RABGAP1L: variants seen among roughly 807,000 people sequenced by gnomAD.
The protein encoded by RABGAP1L is rab GTPase-activating protein 1-like.
A neutral mutation model predicts 137.7 loss-of-function variants in RABGAP1L; 63 were observed. The observed-to-expected ratio is 0.46, with a 90% CI of 0.37 to 0.56. The LOEUF (loss-of-function observed/expected upper bound fraction) is 0.56, where lower values mean the gene tolerates loss of function less well. RABGAP1L is among the 20% of genes least tolerant of loss of function. The pLI is 0.00. For missense variants in RABGAP1L, 1,095 were observed against 1,244.0 expected, an observed-to-expected ratio of 0.88 and a Z score of 1.80; for synonymous variants, 431 against 433.7, an observed-to-expected ratio of 0.99 and a Z score of 0.08.
intron 19 of RABGAP1L, among the ~76,000 whole-genome samples, chr1:174,887,311 A>G (rs1282627610): frequency 1.3e-5 from 2 of 152,224 alleles, no homozygotes; most frequent in African/African-American, 2.4e-5. Context: ...TAAAATATAT[A>G]AGCACTGTGT....
intron 11 of RABGAP1L, among the ~76,000 whole-genome samples, chr1:174,359,875 G>T (rs1683981677): frequency 6.6e-6 from 1 of 152,150 alleles, no homozygotes; most frequent in East Asian, 1.9e-4. Flanking sequence ...CTTTAAAATT[G>T]AGAACAGTGA....
chr1:174,617,377 C>T (rs976131765), intron 13 of RABGAP1L, among the ~76,000 whole-genome samples: 1 of 152,146 alleles, frequency 6.6e-6, no homozygotes, highest in South Asian at 2.1e-4. Context: ...GTAATATTAA[C>T]CAGGCTTTGT....
Position 174,284,374 on chromosome 1 carries a change from G to A in RABGAP1L, c.1323+5595G>A, listed in dbSNP as rs563325647. 3.3e-5 allele frequency among the ~76,000 whole-genome samples: 5 copies of A among 152,124 alleles called. No homozygotes were observed. In the East Asian group the frequency reaches 5.8e-4, roughly 18 times the overall value. On this transcript the variant is annotated intron_variant, in intron 10 of 25. Transcript: ENST00000681986. ...TTTCTAGTCTAGCTTTTTTTACTTA[G>A]CATAATGCTCTCCACCTTTACCCAT...
intron 18 of RABGAP1L, among the ~76,000 whole-genome samples, chr1:174,793,190 C>G (rs537063051): frequency 1.9e-4 from 29 of 151,994 alleles, no homozygotes; most frequent in East Asian, 1.2e-3. Flanking sequence ...CAAAATGACT[C>G]TCTACAGACC....
chr1:174,912,783 G>C (rs1660258745), intron 19 of RABGAP1L, among the ~76,000 whole-genome samples: 1 of 152,122 alleles, frequency 6.6e-6, no homozygotes, highest in Admixed American at 6.5e-5. Context: ...CATTTTAATA[G>C]TATCAGCTTC....
chr1:174,737,484 A>G (rs1683053279), intron 17 of RABGAP1L, among the ~76,000 whole-genome samples: 1 of 152,122 alleles, frequency 6.6e-6, no homozygotes, highest in Non-Finnish European at 1.5e-5. Context: ...TTGTGGCCAC[A>G]ATCACCTAAC....
chr1:174,175,679 G>GC lies in RABGAP1L; in HGVS notation c.-34+16023dup, dbSNP rs939325425. 3.9e-4 allele frequency among the ~76,000 whole-genome samples: 58 copies of GC among 147,312 alleles called. 1 individual carries two copies. Among genetic ancestry groups the GC allele is most frequent in the Non-Finnish European group, 1.2e-4 (8 of 67,386 alleles). On this transcript the variant is annotated intron_variant, in intron 1 of 25. Coordinates refer to ENST00000681986, the MANE Select transcript of RABGAP1L (RefSeq NM_001366446.1). The stretch of plus-strand genomic sequence containing the variant: ...CTTGCTCAGTTGCCCAGGCTGGAGT[G>GC]CAATGGTGCGATCTCAGCTTACTGC...
intron 13 of RABGAP1L, among the ~76,000 whole-genome samples, chr1:174,440,912 G>A (rs1654054885): frequency 6.6e-6 from 1 of 152,038 alleles, no homozygotes; most frequent in Non-Finnish European, 1.5e-5. Context: ...TCTTTGATAG[G>A]CATTGCCTAC....
At chr1:174,354,621 T>A (rs1177666079) in intron 11 of RABGAP1L, among the ~76,000 whole-genome samples, 1 of 152,240 alleles carries the variant, frequency 6.6e-6, no homozygotes, top group African/African-American at 2.4e-5. Flanking sequence ...GCCTGTTCAC[T>A]CTGATGGTAG....
chr1:174,174,186 GAAAA>G (rs1429577034), intron 1 of RABGAP1L, among the ~76,000 whole-genome samples: 1 of 128,690 alleles, frequency 7.8e-6, no homozygotes, highest in African/African-American at 2.8e-5. Context: ...GAAGAAATTG[GAAAA>G]AAAATACACA....
chr1:174,638,564 C>A (rs879445793), intron 14 of RABGAP1L, among the ~76,000 whole-genome samples: 9 of 150,550 alleles, frequency 6.0e-5, no homozygotes, highest in African/African-American at 2.0e-4. Context: ...ATAAATCATG[C>A]TGCTGTAAAG....
intron 19 of RABGAP1L, among the ~76,000 whole-genome samples, chr1:174,849,087 C>A (rs1246708498): frequency 6.6e-6 from 1 of 152,202 alleles, no homozygotes; most frequent in African/African-American, 2.4e-5. Flanking sequence ...TGCTTCGGCT[C>A]GCGCACGGTG....
chr1:174,322,438 T>C (rs1442630562), intron 11 of RABGAP1L, among the ~76,000 whole-genome samples: 2 of 152,164 alleles, frequency 1.3e-5, no homozygotes, highest in Non-Finnish European at 2.9e-5. Context: ...GGGGCAAGAA[T>C]CTCCAAAAGC....
At chr1:174,473,018 A>G (rs1038376961) in intron 13 of RABGAP1L, among the ~76,000 whole-genome samples, 1 of 152,210 alleles carries the variant, frequency 6.6e-6, no homozygotes, top group Non-Finnish European at 1.5e-5. Context: ...AAGTTTGTGC[A>G]TAATAGAAAC....
chr1:174,171,890 A>G (rs1665422246), intron 1 of RABGAP1L, among the ~76,000 whole-genome samples: 1 of 152,070 alleles, frequency 6.6e-6, no homozygotes, highest in Non-Finnish European at 1.5e-5. Flanking sequence ...AATCCCAGCT[A>G]TTTAGGAGGC....
Position 174,994,092 on chromosome 1 carries a change from T to TGATA in RABGAP1L, c.*4093_*4096dup, listed in dbSNP as rs1672230290. 6.6e-6 allele frequency: 1 copy of TGATA among 152,384 alleles called. No homozygotes were observed. The highest frequency in any genetic ancestry group is 2.1e-4 in the South Asian group (1 of 4,834). 9.4% of individuals were successfully genotyped at this position (152,384 alleles called of 1,614,324 possible). The stretch of plus-strand genomic sequence containing the variant: ...ATAAAACTCTTTCTCGTCGCCATGC[T>TGATA]GATAGTCACACTGAACTAGAACTGT... On this transcript the variant is annotated 3_prime_UTR_variant, in exon 26 of 26. Transcript: ENST00000681986.
intron 13 of RABGAP1L, among the ~76,000 whole-genome samples, chr1:174,411,555 T>TC (rs1649929928): frequency 6.6e-5 from 10 of 152,132 alleles, no homozygotes; most frequent in Admixed American, 6.6e-4. Flanking sequence ...AAATTTTTGA[T>TC]ACACTGTTGA....
chr1:174,329,108 T>A, intron 11 of RABGAP1L, among the ~76,000 whole-genome samples: 1 of 148,610 alleles, frequency 6.7e-6, no homozygotes, highest in Non-Finnish European at 1.5e-5. Flanking sequence ...TTATGCAGAC[T>A]AAGAAAATAA....
intron 12 of RABGAP1L, among the ~76,000 whole-genome samples, chr1:174,383,415 C>T (rs1382036483): frequency 3.3e-5 from 5 of 151,918 alleles, no homozygotes; most frequent in Non-Finnish European, 7.4e-5. Context: ...AGTTTGATCT[C>T]AGACTGCTGT....
Sources: allele counts gnomAD v4.1 joint callset (sites outside exome capture counted in the v4.1 genomes callset), GRCh38; gene constraint gnomAD v4.1.1; transcripts MANE v1.5; gene names NCBI Gene and HGNC (gene_info 2026-07-23, HGNC 2026-07-21).